UGT2B4: variants seen among roughly 807,000 people sequenced by gnomAD.
The protein encoded by UGT2B4 is UDP-glucuronosyltransferase 2B4.
In UGT2B4, 49 loss-of-function variants were observed where a neutral mutation model predicts 49.8. That is an observed-to-expected ratio of 0.98 (90% CI 0.78 to 1.25). The LOEUF is 1.25. Ranked by LOEUF, UGT2B4 falls within the 50% of genes most tolerant of loss-of-function variation. UGT2B4 has a pLI of 0.00. For synonymous variants in UGT2B4, 246 were observed against 217.7 expected, an observed-to-expected ratio of 1.13 and a Z score of -1.14; for missense variants, 729 against 627.7, an observed-to-expected ratio of 1.16 and a Z score of -1.73.
At chr4:69,520,888 A>T (rs1002651450) in intron 1 of UGT2B4, among the ~76,000 whole-genome samples, 1 of 152,122 alleles carries the variant, frequency 6.6e-6, no homozygotes, top group Non-Finnish European at 1.5e-5. Flanking sequence ...AGCTAGGGGC[A>T]CCCTAAAGCC....
Position 69,480,935 on chromosome 4 carries a change from A to G in UGT2B4, c.1311-25T>C, listed in dbSNP as rs762562925. 4 of 1,608,130 alleles carry G rather than the reference A, an allele frequency of 2.5e-6. No homozygotes were observed. The Admixed American group carries it at 6.7e-5, about 27-fold the overall frequency. ...TCTAAACGATAAGCAGAAAAGTATC[A>G]ACATTGAAAGTAAGTTAATTTGGCC... is the stretch of plus-strand genomic sequence containing the variant. On this transcript the variant is annotated intron_variant, in intron 5 of 5. Coordinates refer to ENST00000305107, the MANE Select transcript of UGT2B4 (RefSeq NM_021139.3).
At chr4:69,483,004 T>C (rs917315550) in intron 5 of UGT2B4, among the ~76,000 whole-genome samples, 1 of 152,156 alleles carries the variant, frequency 6.6e-6, no homozygotes, top group Non-Finnish European at 1.5e-5. Context: ...TTCTGGACAC[T>C]ATTAATAATT....
chr4:69,512,077 CA>C (rs745634503), intron 1 of UGT2B4, among the ~76,000 whole-genome samples: 87 of 148,784 alleles, frequency 5.8e-4, no homozygotes, highest in Non-Finnish European at 1.1e-3. Flanking sequence ...TTTATCTTTT[CA>C]AAAAAAAACC....
In UGT2B4 at chr4:69,502,114, T is replaced by TTTCTTTCTTTCTTTCTTTCTTTC. The variant is rs1553896662; in HGVS notation, c.-105-6171_-105-6149dup. Among the ~76,000 whole-genome samples, 781 of 128,982 alleles carry TTTCTTTCTTTCTTTCTTTCTTTC rather than the reference T, an allele frequency of 6.1e-3. 30 individuals carry two copies. The highest frequency in any genetic ancestry group is 0.021 in the Middle Eastern group (5 of 242). The allele number at this position is 128,982 out of a possible 152,430, so 84.6% of individuals were successfully genotyped here. A position where few individuals can be genotyped will look rare whatever the true frequency, so the allele number is the denominator to read the frequency against. On this transcript the variant is annotated intron_variant, in intron 1 of 1. Transcript: ENST00000510114. The stretch of plus-strand genomic sequence containing the variant: ...CTCTCTTTCTTTCTTTCTTTCTTTC[T>TTTCTTTCTTTCTTTCTTTCTTTC]TTCTTTCTTTCTTTCTTTCTTTCTT...
At chr4:69,525,440 A>G (rs1728957974) in intron 1 of UGT2B4, among the ~76,000 whole-genome samples, 1 of 152,184 alleles carries the variant, frequency 6.6e-6, no homozygotes. Context: ...TAGGTAAAGT[A>G]TGATACCAAA....
Position 69,525,632 on chromosome 4 carries a change from A to G in UGT2B4, c.-106+55T>C, listed in dbSNP as rs114482737. 2,865 of 1,158,396 alleles carry G rather than the reference A, an allele frequency of 2.5e-3. 82 individuals carry two copies. The African/African-American group carries it at 0.043, about 18-fold the overall frequency. 71.8% of individuals were successfully genotyped at this position (1,158,396 alleles called of 1,614,324 possible). ...CAATAGATTATCTACTCAGGTATCTATGCACCTGCCATTTTTTCACATTAC... is the reference window on the plus strand; with the variant it reads ...CAATAGATTATCTACTCAGGTATCTGTGCACCTGCCATTTTTTCACATTAC... On this transcript the variant is annotated intron_variant, in intron 1 of 1. Coordinates refer to the UGT2B4 transcript ENST00000510114.
intron 1 of UGT2B4, among the ~76,000 whole-genome samples, chr4:69,518,890 A>G (rs1728788646): frequency 6.6e-6 from 1 of 152,230 alleles, no homozygotes; most frequent in South Asian, 2.1e-4. Context: ...TCAGTATTCC[A>G]GAGGAAAAAT....
intron 1 of UGT2B4, among the ~76,000 whole-genome samples, chr4:69,520,074 C>T (rs536555467): frequency 3.9e-5 from 6 of 152,170 alleles, no homozygotes; most frequent in Non-Finnish European, 8.8e-5. Context: ...CTACTTATTT[C>T]CTATCAAAAA....
intron 1 of UGT2B4, among the ~76,000 whole-genome samples, chr4:69,522,032 C>T (rs982641792): frequency 2.0e-5 from 3 of 152,160 alleles, no homozygotes; most frequent in African/African-American, 2.4e-5. Flanking sequence ...GATTTAGAGA[C>T]GATGTGTTCC....
chr4:69,519,839 A>G (rs1374495805), intron 1 of UGT2B4, among the ~76,000 whole-genome samples: 3 of 152,216 alleles, frequency 2.0e-5, no homozygotes, highest in Non-Finnish European at 4.4e-5. Flanking sequence ...TGCCCGTTCA[A>G]TATTAACATG....
At chr4:69,512,858 G>A (rs530828991) in intron 1 of UGT2B4, among the ~76,000 whole-genome samples, 2 of 151,960 alleles carry the variant, frequency 1.3e-5, no homozygotes, top group Admixed American at 6.6e-5. Flanking sequence ...TTTTTTTCAC[G>A]TTTGTTGGCC....
chr4:69,505,185 C>A (rs1262130054), intron 1 of UGT2B4, among the ~76,000 whole-genome samples: 1 of 152,024 alleles, frequency 6.6e-6, no homozygotes, highest in Admixed American at 6.6e-5. Context: ...AAATAACCAG[C>A]TAACATCATG....
chr4:69,498,950 C>T (rs985352655), upstream of UGT2B4, among the ~76,000 whole-genome samples: 4 of 151,754 alleles, frequency 2.6e-5, no homozygotes, highest in Admixed American at 6.6e-5. Context: ...CTTTTAGTTG[C>T]GATATATGTG....
At chr4:69,484,050 A>C (rs1727692633) in intron 5 of UGT2B4, among the ~76,000 whole-genome samples, 1 of 152,198 alleles carries the variant, frequency 6.6e-6, no homozygotes, top group Non-Finnish European at 1.5e-5. Context: ...CCACATATAA[A>C]GAACATCAAC....
In UGT2B4 at chr4:69,485,395, C is replaced by T. The variant is rs1332964244; in HGVS notation, c.1123G>A (p.Gly375Ser). The change falls in exon 5 of 6, where the codon GGT (glycine) becomes AGT (serine). Residue 375 changes from glycine (G) to serine (S), a missense_variant. Transcript: ENST00000305107. ...GCCTCATAGATGCCATTGGCTCCAC[C>T]ATGAGTTATAAAAGCTCTGGTTTTT... ...HPKTRAFITH[G>S]GANGIYEAIY... 1 of 1,613,706 alleles carries T rather than the reference C, an allele frequency of 6.2e-7. No individual in the cohort carries two copies. The highest frequency in any genetic ancestry group is 1.3e-5 in the African/African-American group (1 of 74,900).
intron 2 of UGT2B4, among the ~76,000 whole-genome samples, chr4:69,492,846 AC>A (rs1160874617): frequency 2.0e-5 from 3 of 152,110 alleles, no homozygotes; most frequent in Non-Finnish European, 1.5e-5. Context: ...ATCATCTGCT[AC>A]CTGAATTCAT....
intron 1 of UGT2B4, among the ~76,000 whole-genome samples, chr4:69,508,996 G>C (rs1447996082): frequency 6.6e-6 from 1 of 151,980 alleles, no homozygotes; most frequent in Non-Finnish European, 1.5e-5. Context: ...TCTTTTCCTA[G>C]TCACTGGAAG....
intron 1 of UGT2B4, among the ~76,000 whole-genome samples, chr4:69,522,814 T>C (rs140624990): frequency 3.3e-5 from 5 of 152,302 alleles, no homozygotes; most frequent in Non-Finnish European, 7.4e-5. Context: ...GTAGAACTTC[T>C]TTCAGAGTTG....
At chr4:69,484,288 G>T (rs4557343) in intron 5 of UGT2B4, among the ~76,000 whole-genome samples, 67,849 of 151,848 alleles carry the variant, frequency 0.45, 15,423 homozygotes, top group South Asian at 0.62. Flanking sequence ...GAAATTCCAC[G>T]TCTAGTATCT....
Sources: allele counts gnomAD v4.1 joint callset (sites outside exome capture counted in the v4.1 genomes callset), GRCh38; gene constraint gnomAD v4.1.1; transcripts MANE v1.5; gene names NCBI Gene and HGNC (gene_info 2026-07-23, HGNC 2026-07-21).